Variants in NDRG1 observed in about 807,000 individuals in gnomAD.
NDRG1 encodes the protein protein NDRG1.
NDRG1 carries 32 observed loss-of-function variants against 56.9 expected under a neutral mutation model. That is an observed-to-expected ratio of 0.56 (90% CI 0.42 to 0.76). The LOEUF is 0.76. NDRG1 is among the 30% of genes least tolerant of loss of function. NDRG1 has a pLI of 0.00. For missense variants in NDRG1, 507 were observed against 545.7 expected (o/e 0.93, Z 0.71); for synonymous variants, 211 against 204.1 (o/e 1.03, Z -0.29).
At chr8:133,259,967 C>T (rs953729318) in intron 5 of NDRG1, among the ~76,000 whole-genome samples, 11 of 152,144 alleles carry the variant, frequency 7.2e-5, no homozygotes, top group Admixed American at 1.3e-4. Flanking sequence ...TGTATGCGGA[C>T]GCCCTGGGAA....
At chr8:133,256,709 G>T in intron 8 of NDRG1, 68 bp downstream of exon 8, 1 of 1,472,966 alleles carries the variant, frequency 6.8e-7, no homozygotes, top group Non-Finnish European at 9.4e-7. Flanking sequence ...GATCCCCCAG[G>T]CAGAGGCTGT....
intron 1 of NDRG1, among the ~76,000 whole-genome samples, chr8:133,289,912 T>A (rs1858337043): frequency 6.6e-6 from 1 of 152,194 alleles, no homozygotes; most frequent in African/African-American, 2.4e-5. Context: ...GGTTTCTCCA[T>A]CTGTAAAGTA....
At chr8:133,292,008 C>G (rs1858456819) in intron 1 of NDRG1, among the ~76,000 whole-genome samples, 1 of 152,156 alleles carries the variant, frequency 6.6e-6, no homozygotes, top group Admixed American at 6.5e-5. Flanking sequence ...TGCAATACAA[C>G]CGAGATCTTC....
Position 133,276,770 on chromosome 8 carries a change from C to G in NDRG1, c.99+3462G>C, listed in dbSNP as rs548127047. ...AAACCTCTTTTTCTTTATAAATTAC[C>G]CAGTTTCTGATATGTCCTTATAGCA... On this transcript the variant is annotated intron_variant, in intron 3 of 15. Coordinates refer to ENST00000323851, the MANE Select transcript of NDRG1 (RefSeq NM_006096.4). Among the ~76,000 whole-genome samples the G allele has an allele frequency of 4.6e-5, 7 of 152,286 alleles. No homozygotes were observed. In the East Asian group the frequency reaches 1.4e-3, roughly 29 times the overall value.
intron 14 of NDRG1, among the ~76,000 whole-genome samples, chr8:133,244,020 G>T (rs913955725): frequency 6.6e-6 from 1 of 152,168 alleles, no homozygotes; most frequent in Non-Finnish European, 1.5e-5. Context: ...TCTCCTCCAT[G>T]TCCCTCTGCT....
chr8:133,274,600 A>G (rs1857359109), intron 3 of NDRG1, among the ~76,000 whole-genome samples: 2 of 152,264 alleles, frequency 1.3e-5, no homozygotes, highest in South Asian at 4.1e-4. Flanking sequence ...AGGCACAGCA[A>G]CTCTTGAGTC....
chr8:133,241,930 A>G (rs1855405136), intron 15 of NDRG1, 93 bp downstream of exon 15: 2 of 1,453,712 alleles, frequency 1.4e-6, no homozygotes, highest in Non-Finnish European at 1.9e-6. Context: ...CCAGGGGGAC[A>G]CAGAATTGCT....
chr8:133,262,241 C>T, intron 4 of NDRG1, 74 bp from the exon 5 acceptor site: 1 of 1,543,842 alleles, frequency 6.5e-7, no homozygotes, highest in Non-Finnish European at 8.9e-7. Flanking sequence ...GGTGGCAAAG[C>T]ACATTCATTT....
chr8:133,271,170 T>C (rs961271388), intron 3 of NDRG1, among the ~76,000 whole-genome samples: 31 of 152,190 alleles, frequency 2.0e-4, no homozygotes, highest in Non-Finnish European at 3.5e-4. Context: ...CCGACCGTTC[T>C]AGGCTCTAAG....
intron 7 of NDRG1, among the ~76,000 whole-genome samples, chr8:133,257,934 AG>A (rs1016834948): frequency 6.6e-5 from 10 of 152,220 alleles, no homozygotes; most frequent in African/African-American, 2.2e-4. Flanking sequence ...GAGGATACAA[AG>A]GAACAGTGGC....
intron 4 of NDRG1, among the ~76,000 whole-genome samples, chr8:133,262,787 C>G (rs1247261517): frequency 1.3e-5 from 2 of 152,172 alleles, no homozygotes; most frequent in Non-Finnish European, 2.9e-5. Flanking sequence ...TAGCCTGTGA[C>G]CGTCACCATT....
At position 133,262,085 on chromosome 8, in the gene NDRG1, G is replaced by A. The variant is rs1856687021; in HGVS notation, c.288C>T (p.Ala96=). 6.2e-7 allele frequency: 1 copy of A among 1,614,006 alleles called. No individual in the cohort carries two copies. The highest frequency in any genetic ancestry group is 1.3e-5 in the African/African-American group (1 of 74,922). ...TQHFAVCHVD[A]PGQQDGAASF... ...AGGCTGCGCCGTCCTGCTGGCCAGG[G>A]GCGTCCACGTGGCAGACGGCAAAGT... Residue 96 remains alanine (A), a synonymous_variant, in exon 5 of 16, where the codon GCC becomes GCT. Transcript: ENST00000323851.
intron 2 of NDRG1, among the ~76,000 whole-genome samples, chr8:133,280,487 G>A (rs1278880476): frequency 6.7e-6 from 1 of 149,434 alleles, no homozygotes; most frequent in African/African-American, 2.5e-5. Context: ...ACAGTGGTGT[G>A]ATCGCAGCTC....
chr8:133,272,597 G>A (rs969555757), intron 3 of NDRG1, among the ~76,000 whole-genome samples: 1 of 152,202 alleles, frequency 6.6e-6, no homozygotes, highest in Non-Finnish European at 1.5e-5. Context: ...GACACACCTC[G>A]GAGGCCTGGG....
chr8:133,258,315 T>C, intron 7 of NDRG1, 51 bp downstream of exon 7: 2 of 1,554,786 alleles, frequency 1.3e-6, no homozygotes, highest in Non-Finnish European at 1.8e-6. Context: ...TCTTCCTTCA[T>C]CTTAAAATGT....
At position 133,241,841 on chromosome 8, in the gene NDRG1, TA is replaced by T. The variant is rs1247896591; in HGVS notation, c.943+181del. 1.3e-5 allele frequency: 9 copies of T among 682,154 alleles called. No individual in the cohort carries two copies. The Admixed American group carries it at 2.2e-4, about 17-fold the overall frequency. 42.3% of individuals were successfully genotyped at this position (682,154 alleles called of 1,614,324 possible). On this transcript the variant is annotated intron_variant, in intron 15 of 15. Coordinates refer to ENST00000323851, the MANE Select transcript of NDRG1 (RefSeq NM_006096.4). ...AAGGAGGAAAAATGAGCCTCACTGATAAATGAGAGGCTAGATCCTCCAGGCT... is the reference window on the plus strand; with the variant it reads ...AAGGAGGAAAAATGAGCCTCACTGATAATGAGAGGCTAGATCCTCCAGGCT...
At chr8:133,297,078 A>T (rs902198346) in intron 1 of NDRG1, 56 bp downstream of exon 1, 1 of 153,058 alleles carries the variant, frequency 6.5e-6, no homozygotes, top group Non-Finnish European at 1.5e-5. Context: ...GCGGCACCGC[A>T]CGGGCGGCCC....
intron 14 of NDRG1, among the ~76,000 whole-genome samples, chr8:133,243,785 A>G (rs547979138): frequency 6.6e-6 from 1 of 152,384 alleles, no homozygotes; most frequent in African/African-American, 2.4e-5. Flanking sequence ...AAATTATAAG[A>G]CAACAAATTA....
At chr8:133,269,361 C>T (rs1857075717) in intron 3 of NDRG1, among the ~76,000 whole-genome samples, 1 of 152,166 alleles carries the variant, frequency 6.6e-6, no homozygotes, top group African/African-American at 2.4e-5. Flanking sequence ...AGACAAAAAC[C>T]TGGCTGCACA....
Sources: gnomAD v4.1 joint callset for allele counts (sites outside exome capture counted in the v4.1 genomes callset) on GRCh38, gnomAD v4.1.1 for gene constraint, MANE v1.5 for transcripts, NCBI Gene and HGNC (gene_info 2026-07-23, HGNC 2026-07-21) for gene names.